Variants in RFTN2 observed in about 807,000 individuals in gnomAD.
The protein encoded by RFTN2 is raftlin-2.
Under a neutral mutation model 52.7 loss-of-function variants are expected in RFTN2, and 34 were observed. That is an observed-to-expected ratio of 0.64 (90% CI 0.49 to 0.86). The LOEUF is 0.86. Ranked by LOEUF, RFTN2 falls within the 40% of genes least tolerant of loss-of-function variation. The pLI is 0.00. For synonymous variants in RFTN2, 203 were observed against 217.7 expected (o/e 0.93, Z 0.59); for missense variants, 536 against 600.1 (o/e 0.89, Z 1.12).
chr2:197,608,451 A>G (rs546136857), intron 7 of RFTN2, among the ~76,000 whole-genome samples: 1 of 151,488 alleles, frequency 6.6e-6, no homozygotes, highest in South Asian at 2.1e-4. Flanking sequence ...AGCTGGAACT[A>G]CAGGTGCACA....
Position 197,617,895 on chromosome 2 carries a change from C to A in RFTN2, c.955G>T (p.Gly319Ter). ...CCTTCTTCTTCATAGATAAAAAATCCTTCCAAAGATTTAGGCAAATGTTCC... is the reference window on the plus strand; with the variant it reads ...CCTTCTTCTTCATAGATAAAAAATCATTCCAAAGATTTAGGCAAATGTTCC... ...KGEHLPKSLEGFFIYEEEGSG... is the reference protein window; with the variant it reads ...KGEHLPKSLE The change falls in exon 6 of 9, where the codon GGA (glycine) becomes TGA (stop). Residue 319 changes from glycine to a stop codon, truncating the protein, a stop_gained. Coordinates refer to ENST00000295049, the MANE Select transcript of RFTN2 (RefSeq NM_144629.3). LOFTEE classifies it high-confidence loss of function. 1.2e-6 allele frequency: 2 copies of A among 1,609,082 alleles called. No homozygotes were observed. The highest frequency in any genetic ancestry group is 1.7e-6 in the Non-Finnish European group (2 of 1,177,372).
chr2:197,650,890 C>G (rs1166861143), intron 1 of RFTN2, among the ~76,000 whole-genome samples: 1 of 152,176 alleles, frequency 6.6e-6, no homozygotes, highest in African/African-American at 2.4e-5. Flanking sequence ...GATGGCTGAA[C>G]TATTTTACAT....
chr2:197,648,734 G>A (rs540178318), intron 1 of RFTN2, among the ~76,000 whole-genome samples: 5 of 152,288 alleles, frequency 3.3e-5, no homozygotes, highest in South Asian at 2.1e-4. Context: ...GCCTCCACGC[G>A]TGTTAGTCTT....
chr2:197,587,615 C>G (rs1353999849), intron 8 of RFTN2, among the ~76,000 whole-genome samples: 2 of 152,054 alleles, frequency 1.3e-5, no homozygotes, highest in East Asian at 3.9e-4. Flanking sequence ...ACCCCTTTCT[C>G]CCTTCGCTGA....
At position 197,634,829 on chromosome 2, in the gene RFTN2, G is replaced by A. The variant is rs923435427; in HGVS notation, c.439-832C>T. On this transcript the variant is annotated intron_variant, in intron 3 of 8. Transcript: ENST00000295049. ...TATACATGTGACATGCTGGTGCGCT[G>A]CACCCCCTAACTTGTCATCTAGCAT... Among the ~76,000 whole-genome samples the A allele has an allele frequency of 7.9e-5, 12 of 151,544 alleles. No individual in the cohort carries two copies. The East Asian group carries it at 1.2e-3, about 15-fold the overall frequency.
At chr2:197,616,114 T>C in intron 6 of RFTN2, 135 bp from the exon 7 acceptor site, 1 of 563,584 alleles carries the variant, frequency 1.8e-6, no homozygotes, top group Non-Finnish European at 3.2e-6. Context: ...CTTCATGTTC[T>C]GCTCTGCTTC....
At chr2:197,673,767 T>G (rs2089177457) in intron 1 of RFTN2, among the ~76,000 whole-genome samples, 1 of 152,226 alleles carries the variant, frequency 6.6e-6, no homozygotes, top group Non-Finnish European at 1.5e-5. Context: ...TTGTTTGAGA[T>G]GTTAACATTG....
chr2:197,642,868 A>G (rs1363215965), intron 3 of RFTN2, among the ~76,000 whole-genome samples: 1 of 152,154 alleles, frequency 6.6e-6, no homozygotes, highest in Non-Finnish European at 1.5e-5. Flanking sequence ...AATCCCAGCT[A>G]CCAGGGTGGC....
intron 1 of RFTN2, among the ~76,000 whole-genome samples, chr2:197,666,828 C>CT (rs2089069900): frequency 1.3e-5 from 2 of 152,022 alleles, no homozygotes; most frequent in Admixed American, 6.5e-5. Flanking sequence ...CTTTTAAATT[C>CT]TTTTTTTTCT....
At chr2:197,601,575 TAG>T (rs1559344976) in intron 7 of RFTN2, among the ~76,000 whole-genome samples, 2 of 152,076 alleles carry the variant, frequency 1.3e-5, no homozygotes, top group Admixed American at 1.3e-4. Context: ...CAAGCAAATG[TAG>T]AGTGACTACA....
At chr2:197,627,892 T>G (rs2088393274) in intron 5 of RFTN2, among the ~76,000 whole-genome samples, 1 of 24,974 alleles carries the variant, frequency 4.0e-5, no homozygotes, top group Non-Finnish European at 7.7e-5. Flanking sequence ...CGCCCCCCCG[T>G]GTTTCTGGAA....
intron 1 of RFTN2, among the ~76,000 whole-genome samples, chr2:197,667,458 C>T (rs2089078148): frequency 6.6e-6 from 1 of 152,138 alleles, no homozygotes; most frequent in Non-Finnish European, 1.5e-5. Context: ...TGTTTGTGAT[C>T]TGTTGCCTGA....
intron 3 of RFTN2, among the ~76,000 whole-genome samples, chr2:197,637,139 T>C (rs1319379168): frequency 3.4e-5 from 5 of 148,702 alleles, no homozygotes; most frequent in African/African-American, 1.2e-4. Context: ...GGATTCGTTT[T>C]GCCAGTATTT....
intron 8 of RFTN2, among the ~76,000 whole-genome samples, chr2:197,581,120 G>C (rs554631789): frequency 6.6e-5 from 10 of 152,164 alleles, no homozygotes; most frequent in African/African-American, 2.4e-4. Flanking sequence ...CCCACAACAG[G>C]CTTTAAGGGG....
intron 2 of RFTN2, 43 bp downstream of exon 2, chr2:197,646,440 A>G: frequency 1.3e-6 from 2 of 1,509,986 alleles, no homozygotes; most frequent in South Asian, 2.5e-5. Flanking sequence ...AGACAAAGAG[A>G]ACTGTCACCC....
chr2:197,646,491 C>G lies in RFTN2; in HGVS notation c.315G>C (p.Leu105Phe). 6.2e-7 allele frequency: 1 copy of G among 1,612,948 alleles called. No individual in the cohort carries two copies. The highest frequency in any genetic ancestry group is 1.1e-5 in the South Asian group (1 of 90,708). Residue 105 changes from leucine to phenylalanine, a missense_variant, in exon 2 of 9, where the codon TTG becomes TTC. Leu to Phe is a conservative substitution (Grantham distance 22, BLOSUM62 0). Coordinates refer to ENST00000295049, the MANE Select transcript of RFTN2 (RefSeq NM_144629.3). ...SYLYRVVLLRLKLSPKNSAAP... is the reference protein window; with the variant it reads ...SYLYRVVLLRFKLSPKNSAAP... Reference sequence around the variant, plus strand: ...TTGAATAGTGTGCTTACCTTAATTTCAAGCGCAATAGCACCACTCTGTATA... The same window carrying G: ...TTGAATAGTGTGCTTACCTTAATTTGAAGCGCAATAGCACCACTCTGTATA...
intron 8 of RFTN2, among the ~76,000 whole-genome samples, chr2:197,589,639 A>G (rs2087666013): frequency 6.6e-6 from 1 of 152,006 alleles, no homozygotes; most frequent in African/African-American, 2.4e-5. Context: ...TCATGTATTT[A>G]CTTCTCATTT....
At chr2:197,578,499 C>T (rs1276823474) in intron 8 of RFTN2, among the ~76,000 whole-genome samples, 3 of 152,102 alleles carry the variant, frequency 2.0e-5, no homozygotes, top group Non-Finnish European at 2.9e-5. Flanking sequence ...ATGGCCATTT[C>T]CTGCCTTAAC....
In RFTN2 at chr2:197,675,324, T is replaced by TAG. The variant is rs1175942697; in HGVS notation, c.133_134dup (p.Gln46TyrfsTer12). ...CAAAATAGAAGCAAAAAGTACCTTG[T>TAG]AGAGTAAAATCCAGCAATACATATT... On this transcript the variant is annotated frameshift_variant, in exon 1 of 9. Coordinates refer to ENST00000295049, the MANE Select transcript of RFTN2 (RefSeq NM_144629.3). LOFTEE classifies it high-confidence loss of function. 6.3e-7 allele frequency: 1 copy of TAG among 1,595,616 alleles called. No homozygotes were observed. Among genetic ancestry groups the TAG allele is most frequent in the African/African-American group, 1.4e-5 (1 of 73,846 alleles).
Sources: gnomAD v4.1 joint callset for allele counts (sites outside exome capture counted in the v4.1 genomes callset) on GRCh38, gnomAD v4.1.1 for gene constraint, MANE v1.5 for transcripts, NCBI Gene and HGNC (gene_info 2026-07-23, HGNC 2026-07-21) for gene names.